Variants in PTPRC observed in about 807,000 individuals in gnomAD.
PTPRC encodes the protein receptor-type tyrosine-protein phosphatase C.
PTPRC carries 44 observed loss-of-function variants against 155.9 expected under a neutral mutation model. The ratio of observed to expected loss-of-function variants is 0.28; its 90% confidence interval spans 0.22 to 0.36. The LOEUF is 0.36. Ranked by LOEUF, PTPRC falls within the 10% of genes least tolerant of loss-of-function variation. The pLI, the probability that PTPRC is intolerant of heterozygous loss-of-function variation, is 1.00. For missense variants in PTPRC, 1,401 were observed against 1,564.6 expected (o/e 0.90, Z 1.76); for synonymous variants, 525 against 533.1 (o/e 0.98, Z 0.21).
intron 3 of PTPRC, chr1:198,694,807 C>T: frequency 1.0e-6 from 1 of 954,294 alleles, no homozygotes; most frequent in Non-Finnish European, 1.2e-6. Context: ...TCTCTCCCTC[C>T]CTTTCTTTTA....
chr1:198,723,485 A>G (rs562853859), intron 15 of PTPRC, among the ~76,000 whole-genome samples: 2 of 152,340 alleles, frequency 1.3e-5, no homozygotes, highest in East Asian at 3.9e-4. Context: ...TATGAAATAA[A>G]AACTCCCTGT....
At chr1:198,726,369 T>A (rs1490660390) in intron 15 of PTPRC, among the ~76,000 whole-genome samples, 1 of 152,154 alleles carries the variant, frequency 6.6e-6, no homozygotes, top group Non-Finnish European at 1.5e-5. Context: ...AATAAGAACT[T>A]CTTCCCTAAA....
chr1:198,745,131 C>T (rs1025422255), intron 26 of PTPRC, among the ~76,000 whole-genome samples: 1 of 151,802 alleles, frequency 6.6e-6, no homozygotes, highest in African/African-American at 2.4e-5. Flanking sequence ...GACAGTTATA[C>T]ATTTAAGTTA....
chr1:198,689,890 G>A (rs1020268102), intron 2 of PTPRC, among the ~76,000 whole-genome samples: 2 of 152,044 alleles, frequency 1.3e-5, no homozygotes, highest in Non-Finnish European at 2.9e-5. Context: ...CATTGCAGAT[G>A]ACTAGATATA....
At chr1:198,658,511 C>T (rs781313592) in intron 2 of PTPRC, among the ~76,000 whole-genome samples, 3 of 152,116 alleles carry the variant, frequency 2.0e-5, no homozygotes, top group Non-Finnish European at 2.9e-5. Flanking sequence ...GAATGTTTAC[C>T]ATGATTTATC....
At chr1:198,692,894 A>G in intron 3 of PTPRC, 2 of 894,684 alleles carry the variant, frequency 2.2e-6, no homozygotes, top group Non-Finnish European at 2.7e-6. Flanking sequence ...AGTCCTTATA[A>G]ATGTCTTAAT....
At chr1:198,645,741 G>A (rs959547973) in intron 2 of PTPRC, among the ~76,000 whole-genome samples, 13 of 151,706 alleles carry the variant, frequency 8.6e-5, no homozygotes, top group African/African-American at 3.1e-4. Flanking sequence ...AGTGATAGAG[G>A]CATAATCCCT....
At chr1:198,742,170 G>A in intron 24 of PTPRC, 62 bp from the exon 25 acceptor site, 1 of 1,608,638 alleles carries the variant, frequency 6.2e-7, no homozygotes, top group Non-Finnish European at 8.5e-7. Context: ...TTCTTATATT[G>A]GCTTCACACC....
At chr1:198,718,429 A>C (rs1558019985) in intron 14 of PTPRC, 127 bp downstream of exon 14, 1 of 817,716 alleles carries the variant, frequency 1.2e-6, no homozygotes, top group African/African-American at 1.7e-5. Context: ...ATGGAATCAC[A>C]CTTAAAGAGT....
At chr1:198,690,057 C>T (rs1290470322) in intron 2 of PTPRC, among the ~76,000 whole-genome samples, 1 of 152,126 alleles carries the variant, frequency 6.6e-6, no homozygotes, top group East Asian at 1.9e-4. Context: ...GAGGTGCTTG[C>T]ATGAGAAGGG....
intron 8 of PTPRC, among the ~76,000 whole-genome samples, chr1:198,706,204 G>A (rs1228814111): frequency 6.6e-6 from 1 of 152,118 alleles, no homozygotes; most frequent in Non-Finnish European, 1.5e-5. Flanking sequence ...GTGCTTTGGA[G>A]GTATATTATC....
chr1:198,704,760 G>A (rs1666641221), intron 8 of PTPRC, among the ~76,000 whole-genome samples: 1 of 152,170 alleles, frequency 6.6e-6, no homozygotes, highest in African/African-American at 2.4e-5. Flanking sequence ...TGGGAACTGT[G>A]CCTACTTGCT....
At chr1:198,702,594 T>C in intron 6 of PTPRC, 64 bp downstream of exon 6, 1 of 1,581,220 alleles carries the variant, frequency 6.3e-7, no homozygotes, top group Non-Finnish European at 8.7e-7. Context: ...CTCAAAACTT[T>C]AATGTAGCTC....
intron 2 of PTPRC, among the ~76,000 whole-genome samples, chr1:198,646,129 A>C (rs1197679126): frequency 6.6e-6 from 1 of 151,814 alleles, no homozygotes; most frequent in African/African-American, 2.4e-5. Context: ...TTGGAGGAAA[A>C]AAACTCCATT....
intron 20 of PTPRC, among the ~76,000 whole-genome samples, chr1:198,733,800 A>G (rs1005022772): frequency 3.3e-5 from 5 of 151,786 alleles, no homozygotes; most frequent in Non-Finnish European, 5.9e-5. Context: ...TTGAGTAAAA[A>G]TCCCAAAAGT....
chr1:198,678,618 C>A (rs190250974), intron 2 of PTPRC, among the ~76,000 whole-genome samples: 3 of 152,256 alleles, frequency 2.0e-5, no homozygotes, highest in African/African-American at 7.2e-5. Context: ...TGAGATGCAC[C>A]GTGTTGGGGT....
chr1:198,755,681 T>C (rs190377784), intron 32 of PTPRC, among the ~76,000 whole-genome samples: 1 of 152,206 alleles, frequency 6.6e-6, no homozygotes, highest in East Asian at 1.9e-4. Context: ...AACACTGGTT[T>C]GGGGTTGCTC....
intron 23 of PTPRC, among the ~76,000 whole-genome samples, chr1:198,740,430 AT>A (rs1358066837): frequency 5.3e-5 from 8 of 151,542 alleles, no homozygotes; most frequent in African/African-American, 1.5e-4. Flanking sequence ...ATACAAAAAA[AT>A]ATTAGCCAGG....
chr1:198,675,712 C>A (rs1335175423), intron 2 of PTPRC, among the ~76,000 whole-genome samples: 1 of 152,094 alleles, frequency 6.6e-6, no homozygotes, highest in Non-Finnish European at 1.5e-5. Flanking sequence ...TGCTGGTAAA[C>A]TGATCACTTG....
Sources: allele counts gnomAD v4.1 joint callset (sites outside exome capture counted in the v4.1 genomes callset), GRCh38; gene constraint gnomAD v4.1.1; transcripts MANE v1.5; gene names NCBI Gene and HGNC (gene_info 2026-07-23, HGNC 2026-07-21).